Variants in STK32A observed in about 807,000 individuals in gnomAD.
STK32A encodes the protein serine/threonine kinase 32A, also known as serine/threonine-protein kinase 32A.
In STK32A, 41 loss-of-function variants were observed where a neutral mutation model predicts 53.2. That is an observed-to-expected ratio of 0.77 (90% CI 0.60 to 1.00). The LOEUF is 1.00. Ranked by LOEUF, STK32A falls within the 50% of genes least tolerant of loss-of-function variation. The pLI, the probability that STK32A is intolerant of heterozygous loss-of-function variation, is 0.00. For synonymous variants in STK32A, 166 were observed against 162.8 expected, an observed-to-expected ratio of 1.02 and a Z score of -0.15; for missense variants, 458 against 485.8, an observed-to-expected ratio of 0.94 and a Z score of 0.54.
chr5:147,284,373 G>C (rs1052556922), intron 4 of STK32A, among the ~76,000 whole-genome samples: 10 of 151,980 alleles, frequency 6.6e-5, no homozygotes, highest in Non-Finnish European at 1.2e-4. Context: ...CACTCTCACT[G>C]CTCCTCTTCA....
chr5:147,300,050 G>C (rs1362170222), intron 4 of STK32A, among the ~76,000 whole-genome samples: 4 of 152,118 alleles, frequency 2.6e-5, no homozygotes, highest in Non-Finnish European at 5.9e-5. Context: ...GTGACTCAGA[G>C]TGCTAGCATT....
chr5:147,298,657 G>A (rs1752981846), intron 4 of STK32A, among the ~76,000 whole-genome samples: 1 of 152,112 alleles, frequency 6.6e-6, no homozygotes, highest in African/African-American at 2.4e-5. Flanking sequence ...TTTTTCTTAA[G>A]CCACAAAGAT....
At chr5:147,328,465 A>T (rs573255326) in intron 5 of STK32A, among the ~76,000 whole-genome samples, 1 of 152,196 alleles carries the variant, frequency 6.6e-6, no homozygotes, top group Non-Finnish European at 1.5e-5. Flanking sequence ...TTTCTTTTCT[A>T]TCGTTGTTAA....
At chr5:147,400,474 G>C in the STK32A span, among the ~76,000 whole-genome samples, 66,523 of 152,098 alleles carry the variant, frequency 0.44, 15,011 homozygotes, top group East Asian at 0.55. Context: ...TAACAGTCTA[G>C]ATAAGGAAGC....
chr5:147,345,501 A>G (rs1755639916), intron 6 of STK32A, among the ~76,000 whole-genome samples: 1 of 152,250 alleles, frequency 6.6e-6, no homozygotes, highest in South Asian at 2.1e-4. Flanking sequence ...TCTACCAGAT[A>G]GAATCTGTAA....
chr5:147,350,083 C>T (rs559214555), intron 6 of STK32A, among the ~76,000 whole-genome samples: 2 of 151,464 alleles, frequency 1.3e-5, no homozygotes, highest in African/African-American at 4.9e-5. Context: ...AACACTCCAG[C>T]CTGGCAACAG....
At chr5:147,382,218 C>A (rs73262284) in intron 11 of STK32A, among the ~76,000 whole-genome samples, 3,109 of 152,270 alleles carry the variant, frequency 0.02, 112 homozygotes, top group African/African-American at 0.071. Flanking sequence ...GCCGTTGAAA[C>A]CCTGTAGCAA....
At chr5:147,373,064 T>C in intron 9 of STK32A, 105 bp from the exon 10 acceptor site, 2 of 1,401,626 alleles carry the variant, frequency 1.4e-6, no homozygotes, top group South Asian at 1.3e-5. Flanking sequence ...ACACTGTCTA[T>C]TTTCCTTCAG....
Position 147,269,854 on chromosome 5 carries a change from C to T in STK32A, c.53-8270C>T, listed in dbSNP as rs148694121. On this transcript the variant is annotated intron_variant, in intron 2 of 12. Transcript: ENST00000397936. ...AGATTCTTGCAAAGCACCTTAAAAG[C>T]ATACACTCAATAATCACTATGGCGT... Among the ~76,000 whole-genome samples the T allele has an allele frequency of 2.0e-3, 307 of 152,286 alleles. 1 individual carries two copies. Among genetic ancestry groups the T allele is most frequent in the African/African-American group, 7.1e-3 (296 of 41,572 alleles).
At chr5:147,390,521 G>T (rs1757771397), downstream of STK32A, among the ~76,000 whole-genome samples, 1 of 148,766 alleles carries the variant, frequency 6.7e-6, no homozygotes, top group Non-Finnish European at 1.5e-5. Context: ...TTATGGCTCT[G>T]TTCTGGACTT....
intron 4 of STK32A, among the ~76,000 whole-genome samples, chr5:147,301,180 T>C (rs1319294528): frequency 6.6e-6 from 1 of 152,208 alleles, no homozygotes; most frequent in East Asian, 1.9e-4. Context: ...GTCCTTGTTA[T>C]GTAGATGAAA....
chr5:147,343,076 T>G (rs1293161264), intron 6 of STK32A, 33 bp downstream of exon 6: 2 of 1,610,120 alleles, frequency 1.2e-6, no homozygotes, highest in Non-Finnish European at 1.7e-6. Flanking sequence ...ATCAAGTACA[T>G]GACATGCATG....
At chr5:147,260,833 G>A (rs10061700) in intron 2 of STK32A, among the ~76,000 whole-genome samples, 7,496 of 152,238 alleles carry the variant, frequency 0.049, 622 homozygotes, top group African/African-American at 0.17. Flanking sequence ...CCGTCCAGCA[G>A]TAGGATGTCA....
chr5:147,281,405 G>GA (rs1250275790), intron 4 of STK32A, among the ~76,000 whole-genome samples: 1 of 151,962 alleles, frequency 6.6e-6, no homozygotes, highest in South Asian at 2.1e-4. Flanking sequence ...ATAGCTTAAA[G>GA]AAAAAACAAT....
At chr5:147,324,440 T>C (rs191086648) in intron 5 of STK32A, among the ~76,000 whole-genome samples, 55 of 152,232 alleles carry the variant, frequency 3.6e-4, no homozygotes, top group African/African-American at 1.3e-3. Context: ...GAAAGTTCTT[T>C]GGGAAAAAAG....
At chr5:147,356,539 G>A (rs1756258067) in intron 7 of STK32A, among the ~76,000 whole-genome samples, 3 of 152,230 alleles carry the variant, frequency 2.0e-5, no homozygotes, top group South Asian at 4.1e-4. Context: ...CTCTTAACAT[G>A]CTGCAGTACT....
chr5:147,323,462 G>A (rs1399451795), intron 4 of STK32A, among the ~76,000 whole-genome samples: 1 of 152,158 alleles, frequency 6.6e-6, no homozygotes, highest in Non-Finnish European at 1.5e-5. Context: ...GGGCAATGAT[G>A]TTGTTAGTAT....
At chr5:147,369,287 A>T (rs1030790271) in intron 8 of STK32A, among the ~76,000 whole-genome samples, 1 of 152,158 alleles carries the variant, frequency 6.6e-6, no homozygotes, top group Non-Finnish European at 1.5e-5. Flanking sequence ...TCATGGTTCC[A>T]TGAATAGCTG....
chr5:147,338,979 T>TGGG (rs1170179129), intron 5 of STK32A, among the ~76,000 whole-genome samples: 1 of 152,168 alleles, frequency 6.6e-6, no homozygotes, highest in Non-Finnish European at 1.5e-5. Context: ...AGCCTGATGA[T>TGGG]GGAATAGAAA....
Sources: allele counts gnomAD v4.1 joint callset (sites outside exome capture counted in the v4.1 genomes callset), GRCh38; gene constraint gnomAD v4.1.1; transcripts MANE v1.5; gene names NCBI Gene and HGNC (gene_info 2026-07-23, HGNC 2026-07-21).